GPR179: variants seen among roughly 807,000 people sequenced by gnomAD.
GPR179 encodes G protein-coupled receptor 179, also known as probable G protein-coupled receptor 179.
GPR179 carries 52 observed loss-of-function variants against 70.8 expected under a neutral mutation model. The ratio of observed to expected loss-of-function variants is 0.73; its 90% CI spans 0.59 to 0.93. The LOEUF (loss-of-function observed/expected upper bound fraction) is 0.93. Ranked by LOEUF, GPR179 falls within the 40% of genes least tolerant of loss-of-function variation. The pLI is 0.00. For synonymous variants in GPR179, 1,123 were observed against 1,169.0 expected, an observed-to-expected ratio of 0.96 and a Z score of 0.80; for missense variants, 2,734 against 2,966.8, an observed-to-expected ratio of 0.92 and a Z score of 1.82.
rs775876349 is a variant in GPR179 at position 38,328,231 on chromosome 17, C to A, written c.5338G>T (p.Asp1780Tyr). 6.2e-7 allele frequency: 1 copy of A among 1,613,756 alleles called. No homozygotes were observed. The highest frequency in any genetic ancestry group is 1.1e-5 in the South Asian group (1 of 91,082). Reference protein sequence around the residue: ...GACSQHPGTLDADGPKAGFQE... With the variant: ...GACSQHPGTLYADGPKAGFQE... ...AACCCAGCTTTTGGTCCATCAGCAT[C>A]TAGAGTACCTGGATGCTGAGAACAG... Residue 1780 changes from aspartate (D) to tyrosine (Y), a missense_variant, in exon 11 of 11, where the codon GAT becomes TAT. Physicochemically the swap from Asp to Tyr is radical, Grantham distance 160. Transcript: ENST00000616987.
In GPR179 at chr17:38,328,962, C is replaced by G; in HGVS notation, c.4607G>C (p.Cys1536Ser). 6.2e-7 allele frequency: 1 copy of G among 1,614,202 alleles called. No individual in the cohort carries two copies. Among genetic ancestry groups the G allele is most frequent in the Non-Finnish European group, 8.5e-7 (1 of 1,180,030 alleles). ...QKLSQQQESVCPRESTVPGHS... is the reference protein window; with the variant it reads ...QKLSQQQESVSPRESTVPGHS... ...CCCAGGGACCGTGCTCTCCCTGGGA[C>G]AAACTGACTCCTGCTGTTGACTTAA... The change falls in exon 11 of 11, where the codon TGT becomes TCT. Residue 1536 changes from cysteine (C) to serine (S), a missense_variant. Physicochemically the swap from Cys to Ser is moderately radical, Grantham distance 112. Coordinates refer to ENST00000616987, the MANE Select transcript of GPR179 (RefSeq NM_001004334.4).
At chr17:38,332,250 C>G (rs1196872416) in intron 10 of GPR179, among the ~76,000 whole-genome samples, 2 of 152,130 alleles carry the variant, frequency 1.3e-5, no homozygotes, top group African/African-American at 4.8e-5. Flanking sequence ...GTAAACAAGT[C>G]AGGTGTGAAG....
At position 38,328,923 on chromosome 17, in the gene GPR179, C is replaced by T. The variant is rs2037320685; in HGVS notation, c.4646G>A (p.Cys1549Tyr). Reference sequence around the variant, plus strand: ...AGCTTTGGATGAGGAATTGTCTAGACATGGGCTGGAGTGCCCAGGGACCGT... The same window carrying T: ...AGCTTTGGATGAGGAATTGTCTAGATATGGGCTGGAGTGCCCAGGGACCGT... ...ESTVPGHSSP[C>Y]LDNSSSKAGS... Residue 1549 changes from cysteine to tyrosine, a missense_variant, in exon 11 of 11, where the codon TGT becomes TAT. Physicochemically the swap from Cys to Tyr is radical, Grantham distance 194. Coordinates refer to ENST00000616987, the MANE Select transcript of GPR179 (RefSeq NM_001004334.4). 2 of 1,614,164 alleles carry T rather than the reference C, an allele frequency of 1.2e-6. No individual in the cohort carries two copies. The highest frequency in any genetic ancestry group is 2.2e-5 in the South Asian group (2 of 91,084).
rs748614344 is a variant in GPR179, at chr17:38,327,475, C to T, written c.6094G>A (p.Val2032Met). ...EVTERIPVKG[V>M]SRQDGKGDSQ... ...TCCCCTTTTCCATCCTGCCTTGACA[C>T]CCCTTTGACAGGGATTCTTTCAGTC... Residue 2032 changes from valine to methionine, a missense_variant, in exon 11 of 11, where the codon GTG becomes ATG. Coordinates refer to ENST00000616987, the MANE Select transcript of GPR179 (RefSeq NM_001004334.4). 5 of 1,614,238 alleles carry T rather than the reference C, an allele frequency of 3.1e-6. No individual in the cohort carries two copies. The highest frequency in any genetic ancestry group is 1.1e-5 in the South Asian group (1 of 91,084).
chr17:38,336,943 G>T (rs375797518), intron 4 of GPR179, 35 bp downstream of exon 4: 1 of 1,546,424 alleles, frequency 6.5e-7, no homozygotes, highest in South Asian at 1.2e-5. Flanking sequence ...GAGATGGGTC[G>T]GACATGTGTG....
chr17:38,327,888 A>C lies in GPR179; in HGVS notation c.5681T>G (p.Leu1894Trp). The change falls in exon 11 of 11, where the codon TTG (leucine) becomes TGG (tryptophan). Residue 1894 changes from leucine (L) to tryptophan (W), a missense_variant. By Grantham distance (61) the Leu-to-Trp change is moderately conservative. Coordinates refer to ENST00000616987, the MANE Select transcript of GPR179 (RefSeq NM_001004334.4). ...SPAQAPKISD[L>W]PSSMSSEVAE... ...CACTTCACTACTCATGCTGCTGGGC[A>C]AGTCTGAGATCTTGGGGGCCTGAGC... 1 of 1,614,146 alleles carries C rather than the reference A, an allele frequency of 6.2e-7. No individual in the cohort carries two copies.
In GPR179 at chr17:38,334,805, G is replaced by C; in HGVS notation, c.1683C>G (p.Cys561Trp). 1 of 1,613,112 alleles carries C rather than the reference G, an allele frequency of 6.2e-7. No individual in the cohort carries two copies. The highest frequency in any genetic ancestry group is 1.1e-5 in the South Asian group (1 of 91,082). Residue 561 changes from cysteine (C) to tryptophan (W), a missense_variant, in exon 8 of 11, where the codon TGC becomes TGG. Transcript: ENST00000616987. This position sits in a 1 kb window ranked among gnomAD's most constrained non-coding sequence, Gnocchi z 4.7. ...LLLLCWGSFL[C>W]YATRAVLSAF... ...CCGAGAGCACAGCCCGTGTGGCGTA[G>C]CAGAGGAAGCTGCCCCAGCACAGCA...
Position 38,330,829 on chromosome 17 carries a change from A to G in GPR179, c.2740T>C (p.Ser914Pro), listed in dbSNP as rs533029954. The G allele has an allele frequency of 1.5e-5, 24 of 1,605,872 alleles. No homozygotes were observed. Among genetic ancestry groups the G allele is most frequent in the Non-Finnish European group, 1.9e-5 (22 of 1,176,518 alleles). ...TCATGAAGCCTCCCAGAGGTGTGAG[A>G]GCTGTCCACGCTGCTGCTCTTGGCA... is the stretch of plus-strand genomic sequence containing the variant. ...SPAKSSSVDSSHTSGRLHEEA... is the reference protein window; with the variant it reads ...SPAKSSSVDSPHTSGRLHEEA... Residue 914 changes from serine to proline, a missense_variant, in exon 11 of 11, where the codon TCT becomes CCT. Physicochemically the swap from Ser to Pro is moderately conservative, Grantham distance 74. Transcript: ENST00000616987.
At chr17:38,341,035 A>G (rs147237073) in intron 1 of GPR179, among the ~76,000 whole-genome samples, 1 of 152,198 alleles carries the variant, frequency 6.6e-6, no homozygotes, top group Non-Finnish European at 1.5e-5. Flanking sequence ...ATGATGAGTG[A>G]GGAAAGGGAT....
chr17:38,329,163 TCTC>T lies in GPR179; in HGVS notation c.4403_4405del (p.Gly1468del). ...CTCTGCTTTCTGGATAGCAGGAGCATCTCCTGCCTCCCACAGACACACTTCAGC... is the reference window on the plus strand; with the variant it reads ...CTCTGCTTTCTGGATAGCAGGAGCATCTGCCTCCCACAGACACACTTCAGC... On this transcript the variant is annotated inframe_deletion, in exon 11 of 11. Transcript: ENST00000616987. 6.2e-7 allele frequency: 1 copy of T among 1,613,914 alleles called. No individual in the cohort carries two copies. Among genetic ancestry groups the T allele is most frequent in the Non-Finnish European group, 8.5e-7 (1 of 1,180,002 alleles).
At position 38,329,361 on chromosome 17, in the gene GPR179, G is replaced by C; in HGVS notation, c.4208C>G (p.Pro1403Arg). Residue 1403 changes from proline (P) to arginine (R), a missense_variant, in exon 11 of 11, where the codon CCT (proline) becomes CGT (arginine). By Grantham distance (103) the Pro-to-Arg change is moderately radical. Coordinates refer to ENST00000616987, the MANE Select transcript of GPR179 (RefSeq NM_001004334.4). ...KPAQEAVKDL[P>R]QEKQKTRKAT... is the part of the protein sequence containing the mutation. ...TTTCCTGGTTTTCTGCTTTTCCTGA[G>C]GGAGATCCTTCACTGCCTCTTGGGC... 1 of 1,613,948 alleles carries C rather than the reference G, an allele frequency of 6.2e-7. No homozygotes were observed. Among genetic ancestry groups the C allele is most frequent in the South Asian group, 1.1e-5 (1 of 91,048 alleles).
Position 38,327,091 on chromosome 17 carries a change from C to T in GPR179, c.6478G>A (p.Ala2160Thr). The T allele has an allele frequency of 1.2e-6, 2 of 1,614,222 alleles. No homozygotes were observed. The highest frequency in any genetic ancestry group is 1.1e-5 in the South Asian group (1 of 91,086). Residue 2160 changes from alanine to threonine, a missense_variant, in exon 11 of 11, where the codon GCA (alanine) becomes ACA (threonine). Transcript: ENST00000616987. ...TGTTCTTCCGTCCCTCCAGGTCCTG[C>T]CTTCTGAAGGAACATCTCTCCTTGC... is the stretch of plus-strand genomic sequence containing the variant. ...QGQGEMFLQKAGPGGTEEHFS... is the reference protein window; with the variant it reads ...QGQGEMFLQKTGPGGTEEHFS...
Position 38,327,684 on chromosome 17 carries a change from G to A in GPR179, c.5885C>T (p.Thr1962Ile). Residue 1962 changes from threonine (T) to isoleucine (I), a missense_variant, in exon 11 of 11, where the codon ACC becomes ATC. Coordinates refer to ENST00000616987, the MANE Select transcript of GPR179 (RefSeq NM_001004334.4). ...HELQSVCPWE[T>I]TAPADSVSHL... ...AGAGACGGAATCTGCTGGGGCAGTG[G>A]TCTCCCATGGACAGACGGATTGTAG... The A allele has an allele frequency of 6.2e-7, 1 of 1,614,204 alleles. No homozygotes were observed.
At position 38,334,617 on chromosome 17, in the gene GPR179, T is replaced by C. The variant is rs2037386923; in HGVS notation, c.1784+87A>G. 3.4e-6 allele frequency: 5 copies of C among 1,461,446 alleles called. No individual in the cohort carries two copies. In the Admixed American group the frequency reaches 7.1e-5, roughly 21 times the overall value. 90.5% of individuals were successfully genotyped at this position (1,461,446 alleles called of 1,614,324 possible). ...CTGAGGCGTAGCAGTGTTGCCAGGA[T>C]GGCATGGGATGGGGGCACCTCACCT... is the stretch of plus-strand genomic sequence containing the variant. On this transcript the variant is annotated intron_variant, in intron 8 of 10. Transcript: ENST00000616987. The surrounding 1 kb of genome is among the most constrained non-coding windows in gnomAD (Gnocchi z 4.7).
rs1430614210 is a variant in GPR179, at chr17:38,336,051, G to A, written c.1296+25C>T. 6.3e-6 allele frequency: 10 copies of A among 1,582,244 alleles called. No individual in the cohort carries two copies. In the African/African-American group the frequency reaches 1.1e-4, roughly 17 times the overall value. On this transcript the variant is annotated intron_variant, in intron 5 of 10. Coordinates refer to ENST00000616987, the MANE Select transcript of GPR179 (RefSeq NM_001004334.4). ...GGCTATGGGGGATGCTGGAAGGTGG[G>A]GCCAGCCTGTGGCCACAGACTCACA...
chr17:38,334,045 C>T lies in GPR179; in HGVS notation c.1785-7G>A, dbSNP rs750531591. On this transcript the variant is annotated splice_polypyrimidine_tract_variant and splice_region_variant and intron_variant, in intron 8 of 10. Coordinates refer to ENST00000616987, the MANE Select transcript of GPR179 (RefSeq NM_001004334.4). This position sits in a 1 kb window ranked among gnomAD's most constrained non-coding sequence, Gnocchi z 4.7. ...AGAGGGAACCAGCACAAACCTGGGGCGGGATAGGGGCGCAGGTCATTACTG... is the reference window on the plus strand; with the variant it reads ...AGAGGGAACCAGCACAAACCTGGGGTGGGATAGGGGCGCAGGTCATTACTG... The T allele has an allele frequency of 5.6e-6, 9 of 1,604,282 alleles. No individual in the cohort carries two copies. The highest frequency in any genetic ancestry group is 5.0e-5 in the Admixed American group (3 of 59,910).
chr17:38,343,643 C>T lies in GPR179; in HGVS notation c.147G>A (p.Met49Ile), dbSNP rs750550088. 1.2e-6 allele frequency: 2 copies of T among 1,613,750 alleles called. No homozygotes were observed. The highest frequency in any genetic ancestry group is 1.7e-5 in the Admixed American group (1 of 60,018). Reference protein sequence around the residue: ...SSQVKPGSVPMQVPLEGAEAA... With the variant: ...SSQVKPGSVPIQVPLEGAEAA... ...CCTCGGCCCCCTCTAGGGGCACCTG[C>T]ATGGGTACAGATCCTGGCTTGACTT... Residue 49 changes from methionine (M) to isoleucine (I), a missense_variant, in exon 1 of 11, where the codon ATG (methionine) becomes ATA (isoleucine). Met to Ile is a conservative substitution (Grantham distance 10). Transcript: ENST00000616987. This position sits in a 1 kb window ranked among gnomAD's most constrained non-coding sequence, Gnocchi z 4.2.
intron 2 of GPR179, among the ~76,000 whole-genome samples, chr17:38,338,276 A>T (rs2144274850): frequency 6.6e-6 from 1 of 152,336 alleles, no homozygotes. Context: ...GCCAGCCTTT[A>T]TTCCACCTCC....
At chr17:38,333,462 C>T (rs999710291) in intron 9 of GPR179, 65 bp from the exon 10 acceptor site, 1 of 1,508,802 alleles carries the variant, frequency 6.6e-7, no homozygotes, top group Non-Finnish European at 9.0e-7. Context: ...CCTGCACTCA[C>T]CTGCCCTGTG....
Sources: gnomAD v4.1 joint callset for allele counts (sites outside exome capture counted in the v4.1 genomes callset) on GRCh38, gnomAD v4.1.1 for gene constraint, Gnocchi (gnomAD v3.1) non-coding constraint, MANE v1.5 for transcripts, NCBI Gene and HGNC (gene_info 2026-07-23, HGNC 2026-07-21) for gene names.